LOC128462377: variants seen among roughly 807,000 people sequenced by gnomAD.
At chr16:89,337,429 CTTTTTTTTTT>C in the LOC128462377 span, among the ~76,000 whole-genome samples, 17 of 53,136 alleles carry the variant, frequency 3.2e-4, no homozygotes, top group Admixed American at 7.5e-4. Flanking sequence ...CTAAGCAATT[CTTTTTTTTTT>C]TTTTTTTTTT....
At chr16:89,324,196 G>C in the LOC128462377 span, 2 of 1,180,300 alleles carry the variant, frequency 1.7e-6, no homozygotes, top group Admixed American at 3.8e-5. Context: ...GCAGCACCGA[G>C]AGCGCGTTCA....
At chr16:89,377,351 A>G in the LOC128462377 span, among the ~76,000 whole-genome samples, 1 of 152,146 alleles carries the variant, frequency 6.6e-6, no homozygotes, top group Non-Finnish European at 1.5e-5. Flanking sequence ...AAGCCATGAA[A>G]GCTGTCAAAC....
chr16:89,364,999 G>A, the LOC128462377 span, among the ~76,000 whole-genome samples: 1 of 152,142 alleles, frequency 6.6e-6, no homozygotes, highest in Admixed American at 6.5e-5. Context: ...ATTCTAAGAC[G>A]CTTCCCAAGC....
the LOC128462377 span, among the ~76,000 whole-genome samples, chr16:89,337,135 G>C: frequency 6.6e-6 from 1 of 151,530 alleles, no homozygotes; most frequent in African/African-American, 2.4e-5. Flanking sequence ...GCAGTGAGTT[G>C]AGATCACACC....
At chr16:89,404,285 G>C in the LOC128462377 span, among the ~76,000 whole-genome samples, 6 of 152,110 alleles carry the variant, frequency 3.9e-5, no homozygotes, top group Non-Finnish European at 7.4e-5. Context: ...TAAATCACCA[G>C]CAAAGACTCT....
chr16:89,329,950 A>T, the LOC128462377 span, among the ~76,000 whole-genome samples: 23 of 151,824 alleles, frequency 1.5e-4, no homozygotes, highest in South Asian at 6.2e-4. Context: ...AGATCACACC[A>T]CTGCACTCCA....
At chr16:89,335,253 C>T in the LOC128462377 span, among the ~76,000 whole-genome samples, 1 of 152,156 alleles carries the variant, frequency 6.6e-6, no homozygotes, top group Non-Finnish European at 1.5e-5. Context: ...CAGCCTCACA[C>T]CACCCCTGTT....
chr16:89,385,373 C>T, the LOC128462377 span, among the ~76,000 whole-genome samples: 1 of 150,300 alleles, frequency 6.7e-6, no homozygotes, highest in African/African-American at 2.5e-5. Flanking sequence ...AGGTGATCCA[C>T]CCGCTTCAGC....
the LOC128462377 span, among the ~76,000 whole-genome samples, chr16:89,390,207 A>T: frequency 8.2e-6 from 1 of 121,250 alleles, no homozygotes; most frequent in East Asian, 2.6e-4. Flanking sequence ...ACTGGGGCGA[A>T]CACCGAGTGT....
chr16:89,323,922 T>C, the LOC128462377 span: 1 of 212,388 alleles, frequency 4.7e-6, no homozygotes, highest in Non-Finnish European at 9.5e-6. Context: ...CATCGCGAGG[T>C]AGAATCTCTT....
the LOC128462377 span, among the ~76,000 whole-genome samples, chr16:89,369,046 C>T: frequency 1.3e-5 from 2 of 152,252 alleles, no homozygotes; most frequent in African/African-American, 2.4e-5. Flanking sequence ...CCCCCACTGG[C>T]ACCCATTCCT....
chr16:89,321,949 G>A, the LOC128462377 span, among the ~76,000 whole-genome samples: 17 of 152,276 alleles, frequency 1.1e-4, no homozygotes, highest in East Asian at 3.3e-3. Context: ...GCTGCGCGAG[G>A]CTTAAGTCTA....
At chr16:89,376,722 C>A in the LOC128462377 span, among the ~76,000 whole-genome samples, 2 of 152,138 alleles carry the variant, frequency 1.3e-5, no homozygotes, top group African/African-American at 4.8e-5. Context: ...TACAGGCGTG[C>A]GCCACCACGC....
At chr16:89,366,190 C>T in the LOC128462377 span, among the ~76,000 whole-genome samples, 105 of 151,376 alleles carry the variant, frequency 6.9e-4, no homozygotes, top group African/African-American at 2.5e-3. Flanking sequence ...CACAGTATTC[C>T]ACGGTGTATA....
At chr16:89,399,886 T>A in the LOC128462377 span, among the ~76,000 whole-genome samples, 1 of 152,132 alleles carries the variant, frequency 6.6e-6, no homozygotes, top group Non-Finnish European at 1.5e-5. Flanking sequence ...CAGCACAGAA[T>A]CGGCTCCCAG....
chr16:89,405,565 T>G, the LOC128462377 span, among the ~76,000 whole-genome samples: 1 of 149,366 alleles, frequency 6.7e-6, no homozygotes, highest in Non-Finnish European at 1.5e-5. Flanking sequence ...AACTCCTGGG[T>G]TGCAGCAATC....
the LOC128462377 span, among the ~76,000 whole-genome samples, chr16:89,344,111 T>G: frequency 6.6e-6 from 1 of 152,162 alleles, no homozygotes; most frequent in South Asian, 2.1e-4. Context: ...TCTCCTCATC[T>G]ATAGGCTGGG....
At chr16:89,399,031 C>T in the LOC128462377 span, among the ~76,000 whole-genome samples, 20 of 152,320 alleles carry the variant, frequency 1.3e-4, no homozygotes, top group Admixed American at 1.1e-3. Context: ...CTCTGTGAGA[C>T]GCAGTTTCCA....
At chr16:89,326,564 A>C in the LOC128462377 span, among the ~76,000 whole-genome samples, 1 of 152,116 alleles carries the variant, frequency 6.6e-6, no homozygotes, top group Non-Finnish European at 1.5e-5. Flanking sequence ...AATGTAGGGA[A>C]ACCTCATCTT....
Sources: allele counts gnomAD v4.1 joint callset (sites outside exome capture counted in the v4.1 genomes callset), GRCh38; gene constraint gnomAD v4.1.1; transcripts MANE v1.5.